The following ZBTB20 variants were observed in gnomAD, a reference collection of about 807,000 sequenced individuals.
ZBTB20 encodes zinc finger and BTB domain-containing protein 20.
In ZBTB20, 9 loss-of-function variants were observed where a neutral mutation model predicts 56.9. That is an observed-to-expected ratio of 0.16 (90% CI 0.10 to 0.28). The LOEUF (loss-of-function observed/expected upper bound fraction) is 0.28, where lower values mean the gene tolerates loss of function less well. ZBTB20 is among the 10% of genes least tolerant of loss of function. The probability of loss-of-function intolerance (pLI) is 1.00; values close to 1 mark genes in which losing one functional copy is unlikely to be tolerated. For synonymous variants in ZBTB20, 417 were observed against 420.7 expected, an observed-to-expected ratio of 0.99 and a Z score of 0.11; for missense variants, 655 against 1,003.0, an observed-to-expected ratio of 0.65 and a Z score of 4.69.
chr3:114,746,342 T>TTTC (rs1321100778), intron 5 of ZBTB20, among the ~76,000 whole-genome samples: 5 of 152,190 alleles, frequency 3.3e-5, no homozygotes, highest in African/African-American at 1.2e-4. Flanking sequence ...CATTCCCCTT[T>TTTC]TTCTACTGTA....
intron 1 of ZBTB20, among the ~76,000 whole-genome samples, chr3:115,120,948 A>G (rs2084166495): frequency 6.6e-6 from 1 of 152,098 alleles, no homozygotes; most frequent in African/African-American, 2.4e-5. Flanking sequence ...AACCAGGAAA[A>G]AAAGAAAGAG....
intron 11 of ZBTB20, among the ~76,000 whole-genome samples, chr3:114,341,440 C>T (rs1158158935): frequency 6.6e-6 from 1 of 152,162 alleles, no homozygotes; most frequent in Non-Finnish European, 1.5e-5. Context: ...TAAAACATGT[C>T]CACCTGTCAC....
chr3:114,948,548 G>A (rs751437341), intron 3 of ZBTB20, among the ~76,000 whole-genome samples: 37 of 145,554 alleles, frequency 2.5e-4, no homozygotes, highest in Non-Finnish European at 5.5e-4. Context: ...AAGTCTAATA[G>A]AATTAATAAG....
At chr3:114,340,203 A>G (rs760026923) in intron 11 of ZBTB20, among the ~76,000 whole-genome samples, 2 of 152,018 alleles carry the variant, frequency 1.3e-5, no homozygotes, top group African/African-American at 4.8e-5. Flanking sequence ...CCAACACACT[A>G]CACTCCACTC....
At chr3:114,877,559 G>A (rs2076245623) in intron 4 of ZBTB20, among the ~76,000 whole-genome samples, 1 of 152,168 alleles carries the variant, frequency 6.6e-6, no homozygotes, top group Non-Finnish European at 1.5e-5. Context: ...AAGTCCAAAT[G>A]TTCCTGGTGA....
intron 10 of ZBTB20, chr3:114,359,456 A>G (rs565272204): frequency 6.6e-6 from 1 of 152,340 alleles, no homozygotes; most frequent in African/African-American, 2.4e-5. Context: ...TTGAAATGAA[A>G]TGAGGGGGAG....
intron 5 of ZBTB20, among the ~76,000 whole-genome samples, chr3:114,748,972 G>A (rs1271502623): frequency 1.3e-5 from 2 of 152,152 alleles, no homozygotes; most frequent in Non-Finnish European, 2.9e-5. Flanking sequence ...AGGCCTACAG[G>A]ATATGTTTGT....
rs1354282995 is a variant in ZBTB20, at chr3:114,787,360, T to TACAC, written c.-343+13740_-343+13741insGTGT. 7.3e-5 allele frequency among the ~76,000 whole-genome samples: 7 copies of TACAC among 96,164 alleles called. 1 individual carries two copies. Among genetic ancestry groups the TACAC allele is most frequent in the African/African-American group, 3.1e-4 (7 of 22,328 alleles). The allele number at this position is 96,164 out of a possible 152,430, so 63.1% of individuals were successfully genotyped here. A position where few individuals can be genotyped will look rare whatever the true frequency, so the allele number is the denominator to read the frequency against. On this transcript the variant is annotated intron_variant, in intron 5 of 11. Transcript: ENST00000675478. Reference sequence around the variant, plus strand: ...ATATATATATATATATATATATATATATATATATACACACACACACACACA... The same window carrying TACAC: ...ATATATATATATATATATATATATATACACATATATATACACACACACACACACA...
intron 4 of ZBTB20, among the ~76,000 whole-genome samples, chr3:114,838,236 A>T (rs907155637): frequency 6.6e-5 from 10 of 152,202 alleles, no homozygotes; most frequent in African/African-American, 2.4e-4. Flanking sequence ...TTTTAGGGAA[A>T]ATAACACAAA....
chr3:114,478,627 A>G (rs1279533178), intron 7 of ZBTB20, among the ~76,000 whole-genome samples: 2 of 152,198 alleles, frequency 1.3e-5, no homozygotes, highest in Non-Finnish European at 2.9e-5. Context: ...TACACATTTA[A>G]TAACTTTAAA....
chr3:114,382,327 A>C (rs1444454916), intron 8 of ZBTB20, among the ~76,000 whole-genome samples: 1 of 152,098 alleles, frequency 6.6e-6, no homozygotes, highest in African/African-American at 2.4e-5. Context: ...GCATTCACTA[A>C]ATCTAAGATG....
intron 10 of ZBTB20, among the ~76,000 whole-genome samples, chr3:114,359,071 C>A (rs994080148): frequency 1.5e-4 from 8 of 54,978 alleles, no homozygotes; most frequent in African/African-American, 5.6e-4. Context: ...TATTTTACCT[C>A]TACTCTGATT....
At chr3:114,823,214 A>G (rs2073348163) in intron 4 of ZBTB20, among the ~76,000 whole-genome samples, 1 of 152,078 alleles carries the variant, frequency 6.6e-6, no homozygotes, top group Admixed American at 6.6e-5. Context: ...CCTGTGCTCT[A>G]TAGGCACCAT....
chr3:114,740,772 C>G (rs1047270879), intron 5 of ZBTB20, among the ~76,000 whole-genome samples: 1 of 152,170 alleles, frequency 6.6e-6, no homozygotes, highest in Admixed American at 6.5e-5. Flanking sequence ...TCTTTAAACA[C>G]TAAAATACAT....
chr3:114,963,319 T>G (rs1215909027), intron 3 of ZBTB20, among the ~76,000 whole-genome samples: 2 of 152,142 alleles, frequency 1.3e-5, no homozygotes, highest in Non-Finnish European at 2.9e-5. Flanking sequence ...TGCATTTAGG[T>G]GTGTGGATCC....
chr3:114,656,230 G>C (rs930917390), intron 6 of ZBTB20, among the ~76,000 whole-genome samples: 1 of 151,984 alleles, frequency 6.6e-6, no homozygotes, highest in African/African-American at 2.4e-5. Context: ...TTGTATCTTT[G>C]GTGTACAGAA....
intron 6 of ZBTB20, among the ~76,000 whole-genome samples, chr3:114,514,724 A>G (rs71321413): frequency 3.9e-5 from 6 of 152,146 alleles, no homozygotes; most frequent in African/African-American, 1.4e-4. Flanking sequence ...GAAAGAGAAA[A>G]CAAAGAAAGG....
At chr3:114,876,698 C>T (rs2076213283) in intron 4 of ZBTB20, among the ~76,000 whole-genome samples, 1 of 152,080 alleles carries the variant, frequency 6.6e-6, no homozygotes, top group African/African-American at 2.4e-5. Flanking sequence ...TAGTACATTA[C>T]TATTAATTTG....
At chr3:114,787,382 C>CACACACACACCACAA (rs2070619521) in intron 5 of ZBTB20, among the ~76,000 whole-genome samples, 1 of 143,544 alleles carries the variant, frequency 7.0e-6, no homozygotes, top group Admixed American at 7.0e-5. Context: ...CACACACACA[C>CACACACACACCACAA]ACACACACAC....
Sources: gnomAD v4.1 joint callset for allele counts (sites outside exome capture counted in the v4.1 genomes callset) on GRCh38, gnomAD v4.1.1 for gene constraint, MANE v1.5 for transcripts, NCBI Gene and HGNC (gene_info 2026-07-23, HGNC 2026-07-21) for gene names.